Variants in ZBED4 observed in about 807,000 individuals in gnomAD.
The protein encoded by ZBED4 is zinc finger BED-type containing 4.
In ZBED4, 4 loss-of-function variants were observed where a neutral mutation model predicts 15.5. The ratio of observed to expected loss-of-function variants is 0.26; its 90% CI spans 0.13 to 0.59. ZBED4 has a LOEUF of 0.59. Ranked by LOEUF, ZBED4 falls within the 20% of genes least tolerant of loss-of-function variation. The pLI is 0.90. For missense variants in ZBED4, 1,323 were observed against 1,461.8 expected, an observed-to-expected ratio of 0.91 and a Z score of 1.55; for synonymous variants, 692 against 608.5, an observed-to-expected ratio of 1.14 and a Z score of -2.02.
intron 1 of ZBED4, among the ~76,000 whole-genome samples, chr22:49,870,408 C>G (rs1383547257): frequency 2.0e-5 from 3 of 152,188 alleles, no homozygotes; most frequent in African/African-American, 4.8e-5. Flanking sequence ...CCACACTGCT[C>G]TCCGCAGTGG....
In ZBED4 at chr22:49,885,389, A is replaced by C; in HGVS notation, c.1727A>C (p.Lys576Thr). 6.3e-7 allele frequency: 1 copy of C among 1,597,326 alleles called. No individual in the cohort carries two copies. Among genetic ancestry groups the C allele is most frequent in the Non-Finnish European group, 8.6e-7 (1 of 1,168,246 alleles). ...HFSICSADSTKVVCLHCGRTI... is the reference protein window; with the variant it reads ...HFSICSADSTTVVCLHCGRTI... The stretch of plus-strand genomic sequence containing the variant: ...TCTATTTGCTCCGCAGACTCCACAA[A>C]AGTCGTGTGCTTGCACTGTGGCCGG... Residue 576 changes from lysine to threonine, a missense_variant, in exon 2 of 2, where the codon AAA (lysine) becomes ACA (threonine). Physicochemically the swap from Lys to Thr is moderately conservative, Grantham distance 78. Transcript: ENST00000216268.
At position 49,883,798 on chromosome 22, in the gene ZBED4, C is replaced by T; in HGVS notation, c.136C>T (p.Gln46Ter). 2 of 1,613,092 alleles carry T rather than the reference C, an allele frequency of 1.2e-6. No homozygotes were observed. The highest frequency in any genetic ancestry group is 1.7e-6 in the Non-Finnish European group (2 of 1,179,258). The change falls in exon 2 of 2, where the codon CAG becomes TAG. Residue 46 changes from glutamine to a stop codon, truncating the protein, a stop_gained. Coordinates refer to ENST00000216268, the MANE Select transcript of ZBED4 (RefSeq NM_014838.3). LOFTEE classifies it low-confidence loss of function (END_TRUNC). The part of the protein sequence containing the change: ...SLERMDFKSE[Q>*]EDMKQTDSGG... ...GGAAAGAATGGACTTTAAAAGCGAG[C>T]AGGAGGACATGAAGCAGACAGACAG... is the stretch of plus-strand genomic sequence containing the variant.
chr22:49,873,565 G>T (rs1436298884), intron 1 of ZBED4, among the ~76,000 whole-genome samples: 1 of 152,216 alleles, frequency 6.6e-6, no homozygotes, highest in Non-Finnish European at 1.5e-5. Flanking sequence ...TGACACACAG[G>T]TGGAGAGCCC....
At chr22:49,878,478 C>G (rs2060389998) in intron 1 of ZBED4, among the ~76,000 whole-genome samples, 1 of 152,084 alleles carries the variant, frequency 6.6e-6, no homozygotes, top group Admixed American at 6.5e-5. Context: ...CAATTCTCAA[C>G]AAAGTTACAT....
At position 49,884,838 on chromosome 22, in the gene ZBED4, GCTGA is replaced by G; in HGVS notation, c.1181_1184del (p.Thr394ArgfsTer7). 6.2e-7 allele frequency: 1 copy of G among 1,610,502 alleles called. No homozygotes were observed. The highest frequency in any genetic ancestry group is 2.2e-5 in the East Asian group (1 of 44,786). The stretch of plus-strand genomic sequence containing the variant: ...CTTCGGCCTCCTCCTCCCCTGACAG[GCTGA>G]CTGAGGACTTGCAGTCTCACTTGAA... On this transcript the variant is annotated frameshift_variant, in exon 2 of 2. Coordinates refer to ENST00000216268, the MANE Select transcript of ZBED4 (RefSeq NM_014838.3). LOFTEE classifies it low-confidence loss of function (END_TRUNC).
chr22:49,862,670 T>A (rs1004686615), intron 1 of ZBED4, among the ~76,000 whole-genome samples: 1 of 145,704 alleles, frequency 6.9e-6, no homozygotes, highest in Non-Finnish European at 1.5e-5. Flanking sequence ...ACTGAGTACC[T>A]CTAAATATTA....
chr22:49,854,645 G>A (rs1372762828), intron 1 of ZBED4, among the ~76,000 whole-genome samples: 1 of 152,176 alleles, frequency 6.6e-6, no homozygotes, highest in Non-Finnish European at 1.5e-5. Flanking sequence ...CCGTTGTGTG[G>A]CCCACACCGC....
rs1257434690 is a variant in ZBED4 at position 49,889,587 on chromosome 22, CA to C, written c.*2410del. The C allele has an allele frequency of 6.0e-6, 1 of 167,182 alleles. No homozygotes were observed. Among genetic ancestry groups the C allele is most frequent in the African/African-American group, 2.4e-5 (1 of 41,430 alleles). 10.4% of individuals were successfully genotyped at this position (167,182 alleles called of 1,614,324 possible). The stretch of plus-strand genomic sequence containing the variant: ...AAAAATGAGGGCTTGCTTTACTCAA[CA>C]GAAAATATGGCCCTTCCTGAATGAC... On this transcript the variant is annotated 3_prime_UTR_variant, in exon 2 of 2. Transcript: ENST00000216268.
intron 1 of ZBED4, among the ~76,000 whole-genome samples, chr22:49,883,123 T>A (rs1249717386): frequency 6.6e-6 from 1 of 152,238 alleles, no homozygotes; most frequent in East Asian, 1.9e-4. Flanking sequence ...CACTTGCATT[T>A]TTTTTCATGT....
intron 1 of ZBED4, among the ~76,000 whole-genome samples, chr22:49,869,100 G>A (rs1340240875): frequency 6.8e-6 from 1 of 147,210 alleles, no homozygotes; most frequent in Non-Finnish European, 1.5e-5. Context: ...TTCAGCCTGG[G>A]CAACAAGAGC....
Position 49,885,812 on chromosome 22 carries a change from T to C in ZBED4, c.2150T>C (p.Met717Thr), listed in dbSNP as rs1181526371. 16 of 1,589,342 alleles carry C rather than the reference T, an allele frequency of 1.0e-5. No individual in the cohort carries two copies. The highest frequency in any genetic ancestry group is 1.4e-5 in the Non-Finnish European group (16 of 1,157,950). ...GMYDNVKQII[M>T]SHLKEAESGV... ...TATGATAATGTGAAGCAGATAATTA[T>C]GTCCCACCTTAAGGAAGCTGAGAGT... The change falls in exon 2 of 2, where the codon ATG becomes ACG. Residue 717 changes from methionine to threonine, a missense_variant. This residue lies in a region of ZBED4 where 89 missense variants were observed against 129.8 expected (regional missense o/e 0.69). Transcript: ENST00000216268.
At chr22:49,857,179 G>A (rs738707) in intron 1 of ZBED4, among the ~76,000 whole-genome samples, 113,323 of 152,124 alleles carry the variant, frequency 0.74, 44,814 homozygotes, top group East Asian at 0.91. Flanking sequence ...GGGAGCATGT[G>A]CATTTCGGAG....
At chr22:49,859,131 G>T (rs2060286870) in intron 1 of ZBED4, among the ~76,000 whole-genome samples, 1 of 152,086 alleles carries the variant, frequency 6.6e-6, no homozygotes, top group Non-Finnish European at 1.5e-5. Flanking sequence ...GAACCTGTGG[G>T]CAGTGGCACC....
rs1474306417 is a variant in ZBED4 at position 49,889,989 on chromosome 22, C to A, written c.*2811C>A. The A allele has an allele frequency of 6.0e-6, 1 of 167,020 alleles. No individual in the cohort carries two copies. Among genetic ancestry groups the A allele is most frequent in the Non-Finnish European group, 1.5e-5 (1 of 68,118 alleles). The allele number at this position is 167,020 out of a possible 1,614,324, so 10.3% of individuals were successfully genotyped here. On this transcript the variant is annotated 3_prime_UTR_variant, in exon 2 of 2. Coordinates refer to ENST00000216268, the MANE Select transcript of ZBED4 (RefSeq NM_014838.3). Reference sequence around the variant, plus strand: ...ACTGTCTCTTCAGTGAATGAAATTACCAGTCATTATACGAAGGGACTTTAA... The same window carrying A: ...ACTGTCTCTTCAGTGAATGAAATTAACAGTCATTATACGAAGGGACTTTAA...
chr22:49,859,550 G>C (rs1325368083), intron 1 of ZBED4, among the ~76,000 whole-genome samples: 4 of 152,060 alleles, frequency 2.6e-5, no homozygotes, highest in Non-Finnish European at 5.9e-5. Context: ...CACAGCGCCT[G>C]GGTTCCTTTT....
chr22:49,854,777 G>T (rs1317661667), intron 1 of ZBED4, among the ~76,000 whole-genome samples: 1 of 152,150 alleles, frequency 6.6e-6, no homozygotes, highest in Non-Finnish European at 1.5e-5. Flanking sequence ...GCCGTCAGAA[G>T]CTTCTGTTGG....
chr22:49,880,747 T>G (rs751779593), intron 1 of ZBED4, among the ~76,000 whole-genome samples: 1 of 152,236 alleles, frequency 6.6e-6, no homozygotes, highest in Non-Finnish European at 1.5e-5. Flanking sequence ...ATTTTAGACT[T>G]CTGTTTATCA....
chr22:49,858,581 A>G (rs948022854), intron 1 of ZBED4, among the ~76,000 whole-genome samples: 6 of 152,228 alleles, frequency 3.9e-5, no homozygotes, highest in Admixed American at 1.3e-4. Flanking sequence ...GACTGCCACC[A>G]GCTGCCACCT....
chr22:49,886,932 G>A lies in ZBED4; in HGVS notation c.3270G>A (p.Glu1090=). 6.2e-7 allele frequency: 1 copy of A among 1,614,146 alleles called. No individual in the cohort carries two copies. The highest frequency in any genetic ancestry group is 1.1e-5 in the South Asian group (1 of 91,076). Residue 1090 remains glutamate (E), a synonymous_variant, in exon 2 of 2, where the codon GAG becomes GAA. Transcript: ENST00000216268. This position sits in a 1 kb window ranked among gnomAD's most constrained non-coding sequence, Gnocchi z 7.7. ...AAGCCATGGTGCTTGCGTATCTGGA[G>A]GAGGAGGTGCTTGAACACAGCTGTG... ...LPEAMVLAYL[E]EEVLEHSCDP...
Sources: allele counts gnomAD v4.1 joint callset (sites outside exome capture counted in the v4.1 genomes callset), GRCh38; gene constraint gnomAD v4.1.1; regional missense constraint gnomAD v4.1.1; non-coding constraint Gnocchi (gnomAD v3.1); transcripts MANE v1.5; gene names NCBI Gene and HGNC (gene_info 2026-07-23, HGNC 2026-07-21).